The following CCDC33 variants were observed in gnomAD, a reference collection of about 807,000 sequenced individuals.
CCDC33 encodes coiled-coil domain-containing protein 33.
CCDC33 carries 94 observed loss-of-function variants against 91.9 expected under a neutral mutation model. The observed-to-expected ratio is 1.02, with a 90% confidence interval of 0.87 to 1.21. The LOEUF is 1.21. Ranked by LOEUF, CCDC33 falls within the 50% of genes most tolerant of loss-of-function variation. The pLI is 0.00. For missense variants in CCDC33, 940 were observed against 935.5 expected, an observed-to-expected ratio of 1.00 and a Z score of -0.06; for synonymous variants, 396 against 374.5, an observed-to-expected ratio of 1.06 and a Z score of -0.66.
intron 7 of CCDC33, among the ~76,000 whole-genome samples, chr15:74,275,736 T>C (rs1466771403): frequency 3.3e-5 from 5 of 152,070 alleles, no homozygotes; most frequent in Non-Finnish European, 7.4e-5. Context: ...GGCGCAATCC[T>C]GGCTCACACT....
chr15:74,221,172 T>C (rs2074581249), intron 2 of CCDC33: 1 of 973,514 alleles, frequency 1.0e-6, no homozygotes, highest in Admixed American at 6.2e-5. Flanking sequence ...AACTTGGTTG[T>C]AGGCTCACAA....
At chr15:74,322,247 G>C (rs1567033462) in intron 11 of CCDC33, among the ~76,000 whole-genome samples, 1 of 152,204 alleles carries the variant, frequency 6.6e-6, no homozygotes, top group Admixed American at 6.5e-5. Flanking sequence ...TTGTGGGTCA[G>C]GAACTCAGCC....
chr15:74,332,867 C>G, intron 16 of CCDC33, 22 bp downstream of exon 16: 1 of 1,607,140 alleles, frequency 6.2e-7, no homozygotes, highest in Non-Finnish European at 8.5e-7. Context: ...TTGACCTGGG[C>G]CTGCCTATGC....
Position 74,280,037 on chromosome 15 carries a change from TA to T in CCDC33, c.835del (p.Thr279ProfsTer19), listed in dbSNP as rs2076550862. ...TCCTCTTCCAAGGCCGAGATGGAGC[TA>T]CCAGCTTCTCAGAAGACACAGCCCT... Reference protein sequence around the residue: ...SFLFQGRDGATSFSEDTALVL... With the variant: ...SFLFQGRDGAXSFSEDTALVL... On this transcript the variant is annotated frameshift_variant, in exon 8 of 19. Coordinates refer to ENST00000398814, the MANE Select transcript of CCDC33 (RefSeq NM_025055.5). LOFTEE classifies it high-confidence loss of function. 6.2e-7 allele frequency: 1 copy of T among 1,614,016 alleles called. No homozygotes were observed. The highest frequency in any genetic ancestry group is 1.1e-5 in the South Asian group (1 of 91,078).
In CCDC33 at chr15:74,332,901, A is replaced by T. The variant is rs2060471353; in HGVS notation, c.1938+56A>T. The T allele has an allele frequency of 4.4e-6, 7 of 1,579,562 alleles. No individual in the cohort carries two copies. The Admixed American group carries it at 8.8e-5, about 20-fold the overall frequency. On this transcript the variant is annotated intron_variant, in intron 16 of 18. Coordinates refer to ENST00000398814, the MANE Select transcript of CCDC33 (RefSeq NM_025055.5). ...GCCGGTCACTGGGTGCCCAGAAATCACCCATGGTACAACCCAAGTTGAAGA... is the reference window on the plus strand; with the variant it reads ...GCCGGTCACTGGGTGCCCAGAAATCTCCCATGGTACAACCCAAGTTGAAGA...
At chr15:74,213,636 G>A (rs765770166), upstream of CCDC33, 4 of 152,220 alleles carry the variant, frequency 2.6e-5, no homozygotes, top group Non-Finnish European at 5.9e-5. Context: ...AAGCCCCTCC[G>A]TGTTCGGGGT....
intron 18 of CCDC33, 159 bp downstream of exon 18, chr15:74,335,247 C>T (rs2060541602): frequency 1.3e-6 from 1 of 745,476 alleles, no homozygotes; most frequent in African/African-American, 1.7e-5. Context: ...CCATTACCAA[C>T]CGAAGGCTCG....
At position 74,222,268 on chromosome 15, in the gene CCDC33, A is replaced by G. The variant is rs75207065; in HGVS notation, c.675+3407A>G. Among the ~76,000 whole-genome samples the G allele has an allele frequency of 7.4e-3, 1,125 of 152,316 alleles. 12 individuals are homozygous for G. The highest frequency in any genetic ancestry group is 0.026 in the African/African-American group (1,077 of 41,570). On this transcript the variant is annotated intron_variant, in intron 2 of 2. Transcript: ENST00000635913. ...TTCAAGAGGGAAACTGGAAATTCCC[A>G]GAGATATAATTTCTGGAAACGCAAA... is the stretch of plus-strand genomic sequence containing the variant.
chr15:74,268,334 G>T lies in CCDC33; in HGVS notation c.430-8G>T. On this transcript the variant is annotated splice_polypyrimidine_tract_variant and splice_region_variant and intron_variant, in intron 4 of 18. Transcript: ENST00000398814. The stretch of plus-strand genomic sequence containing the variant: ...CCTCTGTGTCTTCTGCCCCAACCCT[G>T]TCTCCAGCCCACTGAGTCTGGGAAA... 1 of 1,606,936 alleles carries T rather than the reference G, an allele frequency of 6.2e-7. No individual in the cohort carries two copies. Among genetic ancestry groups the T allele is most frequent in the Non-Finnish European group, 8.5e-7 (1 of 1,173,640 alleles).
intron 2 of CCDC33, chr15:74,219,003 G>A: frequency 3.5e-6 from 3 of 857,978 alleles, no homozygotes; most frequent in Non-Finnish European, 4.6e-6. Flanking sequence ...TTCAGTCTGA[G>A]GAACGTGCAG....
chr15:74,335,451 T>G, intron 18 of CCDC33: 2 of 515,688 alleles, frequency 3.9e-6, no homozygotes, highest in South Asian at 5.1e-5. Flanking sequence ...CCTACCCCCC[T>G]GAATCCATAG....
chr15:74,306,694 C>T (rs988417376), intron 11 of CCDC33, among the ~76,000 whole-genome samples: 34 of 152,196 alleles, frequency 2.2e-4, no homozygotes, highest in African/African-American at 8.2e-4. Flanking sequence ...AAAGTCTTAG[C>T]GGTGTGGAGG....
chr15:74,269,953 C>G (rs1456096679), intron 5 of CCDC33, among the ~76,000 whole-genome samples: 1 of 152,204 alleles, frequency 6.6e-6, no homozygotes, highest in Admixed American at 6.5e-5. Context: ...GCCACCACCC[C>G]CTTTTTAGTC....
At chr15:74,283,205 G>A (rs1386050149) in intron 10 of CCDC33, among the ~76,000 whole-genome samples, 1 of 152,186 alleles carries the variant, frequency 6.6e-6, no homozygotes, top group Non-Finnish European at 1.5e-5. Context: ...CAAGAAAGAG[G>A]CACCAGAATC....
Position 74,316,603 on chromosome 15 carries a change from A to C in CCDC33, c.1291-13586A>C, listed in dbSNP as rs1389556651. Among the ~76,000 whole-genome samples the C allele has an allele frequency of 6.6e-6, 1 of 151,996 alleles. No individual in the cohort carries two copies. Among genetic ancestry groups the C allele is most frequent in the Non-Finnish European group, 1.5e-5 (1 of 67,994 alleles). On this transcript the variant is annotated intron_variant, in intron 11 of 18. Coordinates refer to ENST00000398814, the MANE Select transcript of CCDC33 (RefSeq NM_025055.5). The surrounding 1 kb of genome is among the most constrained non-coding windows in gnomAD (Gnocchi z 4.7). ...ACCCATTTCCCTGGTGGGGAGGCTG[A>C]GGGGCAGGAGCAGGAAGATTTAAGG... is the stretch of plus-strand genomic sequence containing the variant.
chr15:74,278,878 C>A (rs562672486), intron 7 of CCDC33, among the ~76,000 whole-genome samples: 1 of 152,356 alleles, frequency 6.6e-6, no homozygotes, highest in South Asian at 2.1e-4. Context: ...AGGGTGCCAT[C>A]AAGTCCCCCG....
intron 1 of CCDC33, among the ~76,000 whole-genome samples, chr15:74,237,889 G>A (rs2075222288): frequency 6.6e-6 from 1 of 152,226 alleles, no homozygotes; most frequent in African/African-American, 2.4e-5. Flanking sequence ...GCTCACGCCT[G>A]TAATCCCAGC....
intron 7 of CCDC33, among the ~76,000 whole-genome samples, chr15:74,277,861 G>C (rs1410236920): frequency 6.6e-6 from 1 of 152,226 alleles, no homozygotes; most frequent in Non-Finnish European, 1.5e-5. Flanking sequence ...AGAAAGGGCA[G>C]CTAGCGTCTA....
chr15:74,285,680 G>A (rs1446929937), intron 10 of CCDC33, among the ~76,000 whole-genome samples: 1 of 151,930 alleles, frequency 6.6e-6, no homozygotes, highest in Non-Finnish European at 1.5e-5. Flanking sequence ...GCAAGAGGTG[G>A]TGGTCTCTGG....
Sources: allele counts gnomAD v4.1 joint callset (sites outside exome capture counted in the v4.1 genomes callset), GRCh38; gene constraint gnomAD v4.1.1; non-coding constraint Gnocchi (gnomAD v3.1); transcripts MANE v1.5; gene names NCBI Gene and HGNC (gene_info 2026-07-23, HGNC 2026-07-21).